PLA2G12A: variants seen among roughly 807,000 people sequenced by gnomAD.
PLA2G12A encodes group XIIA secretory phospholipase A2.
In PLA2G12A, 11 loss-of-function variants were observed where a neutral mutation model predicts 16.0. The ratio of observed to expected loss-of-function variants is 0.69; its 90% confidence interval spans 0.43 to 1.13. The LOEUF (loss-of-function observed/expected upper bound fraction) is 1.13, where lower values mean the gene tolerates loss of function less well. Among genes scored for constraint, PLA2G12A ranks in the 50% most tolerant of loss-of-function variants. PLA2G12A has a pLI of 0.00. For missense variants in PLA2G12A, 214 were observed against 237.3 expected (o/e 0.90, Z 0.65); for synonymous variants, 77 against 93.8 (o/e 0.82, Z 1.03).
rs67674001 is a variant in PLA2G12A at position 109,711,053 on chromosome 4, C to CTTTTTTTTTTTTTTTT, written c.*3308_*3323dup. On this transcript the variant is annotated 3_prime_UTR_variant, in exon 4 of 4. Coordinates refer to ENST00000243501, the MANE Select transcript of PLA2G12A (RefSeq NM_030821.5). ...AGAGCTGCTGACAGTTAGTTCTTGC[C>CTTTTTTTTTTTTTTTT]TTTTTTTTTTTTTTTTTTTTTTTGC... 8.7e-5 allele frequency: 5 copies of CTTTTTTTTTTTTTTTT among 57,242 alleles called. No homozygotes were observed. The highest frequency in any genetic ancestry group is 4.9e-4 in the East Asian group (1 of 2,040). The allele number at this position is 57,242 out of a possible 1,614,324, so 3.5% of individuals were successfully genotyped here.
intron 1 of PLA2G12A, among the ~76,000 whole-genome samples, chr4:109,725,741 T>G (rs944536767): frequency 6.6e-6 from 1 of 152,208 alleles, no homozygotes; most frequent in Non-Finnish European, 1.5e-5. Flanking sequence ...TTTTCTAAAT[T>G]TGATGCAAAT....
rs1730787571 is a variant in PLA2G12A at position 109,714,259 on chromosome 4, T to G, written c.*118A>C. 3 of 759,004 alleles carry G rather than the reference T, an allele frequency of 4.0e-6. No homozygotes were observed. The African/African-American group carries it at 5.2e-5, about 13-fold the overall frequency. The allele number at this position is 759,004 out of a possible 1,614,324, so 47.0% of individuals were successfully genotyped here. ...TTTAACATCAAGATATAAATTATTT[T>G]AAGGTCTCAAAATAATCCTTTCACA... On this transcript the variant is annotated 3_prime_UTR_variant, in exon 4 of 4. Coordinates refer to ENST00000243501, the MANE Select transcript of PLA2G12A (RefSeq NM_030821.5).
intron 1 of PLA2G12A, among the ~76,000 whole-genome samples, chr4:109,722,386 A>T (rs922479155): frequency 3.3e-5 from 5 of 152,194 alleles, no homozygotes; most frequent in Non-Finnish European, 7.3e-5. Flanking sequence ...TCATGTTGAA[A>T]CCTAATCACC....
At chr4:109,715,713 G>A (rs1207117182) in intron 3 of PLA2G12A, among the ~76,000 whole-genome samples, 2 of 151,904 alleles carry the variant, frequency 1.3e-5, no homozygotes, top group Non-Finnish European at 2.9e-5. Flanking sequence ...GGGCTCAAGT[G>A]GTCCACCAGC....
chr4:109,730,027 G>A lies in PLA2G12A; in HGVS notation c.-218C>T, dbSNP rs1312420211. ...TCGCGGGGACGCGCCCGCTCACCTG[G>A]ACCAGCGCGCCCGCTCACCTGGGCC... On this transcript the variant is annotated 5_prime_UTR_variant, in exon 1 of 4. Transcript: ENST00000243501. The A allele has an allele frequency of 1.4e-5, 7 of 488,334 alleles. No individual in the cohort carries two copies. Among genetic ancestry groups the A allele is most frequent in the East Asian group, 7.3e-5 (2 of 27,358 alleles). The allele number at this position is 488,334 out of a possible 1,614,324, so 30.3% of individuals were successfully genotyped here. A position where few individuals can be genotyped will look rare whatever the true frequency, so the allele number is the denominator to read the frequency against.
intron 3 of PLA2G12A, 54 bp from the exon 4 acceptor site, chr4:109,714,549 C>T (rs1441645520): frequency 8.8e-7 from 1 of 1,135,168 alleles, no homozygotes; most frequent in Non-Finnish European, 1.3e-6. Flanking sequence ...CTCTTTTCAC[C>T]TATGTTACAC....
At chr4:109,728,088 A>ATTCCC (rs914325463) in intron 1 of PLA2G12A, among the ~76,000 whole-genome samples, 1 of 152,124 alleles carries the variant, frequency 6.6e-6, no homozygotes, top group African/African-American at 2.4e-5. Context: ...AAATAACCAC[A>ATTCCC]TTCCCTCCCC....
In PLA2G12A at chr4:109,718,701, A is replaced by C. The variant is rs1730870530; in HGVS notation, c.267T>G (p.Ser89=). The C allele has an allele frequency of 6.2e-7, 1 of 1,602,754 alleles. No homozygotes were observed. The highest frequency in any genetic ancestry group is 1.7e-5 in the Admixed American group (1 of 58,744). The change falls in exon 2 of 4, where the codon TCT becomes TCG. Residue 89 remains serine (S), a synonymous_variant. Transcript: ENST00000243501. ...TATTTACATGAACACCAAACAGTGG[A>C]GAGCCACATCCATTCGGTGGGGAGG... ...YKPSPPNGCG[S]PLFGVHLNIG... is the part of the protein sequence containing the mutation.
intron 2 of PLA2G12A, among the ~76,000 whole-genome samples, chr4:109,718,060 G>C (rs1730858740): frequency 6.6e-6 from 1 of 152,142 alleles, no homozygotes; most frequent in Admixed American, 6.5e-5. Context: ...CCAGGGGCTA[G>C]GTAAGTATGA....
chr4:109,722,289 C>T (rs762208370), intron 1 of PLA2G12A, among the ~76,000 whole-genome samples: 4 of 152,208 alleles, frequency 2.6e-5, no homozygotes, highest in Non-Finnish European at 5.9e-5. Flanking sequence ...GCCTTTGAAC[C>T]TGCTCTTCCT....
intron 3 of PLA2G12A, 33 bp downstream of exon 3, chr4:109,717,515 A>G: frequency 6.3e-7 from 1 of 1,590,906 alleles, no homozygotes; most frequent in Middle Eastern, 1.8e-4. Context: ...TTTAAAAAGT[A>G]CACTCATCCC....
At chr4:109,718,818 C>T (rs1224380143) in intron 1 of PLA2G12A, 59 bp from the exon 2 acceptor site, 3 of 1,172,154 alleles carry the variant, frequency 2.6e-6, no homozygotes, top group Non-Finnish European at 3.6e-6. Context: ...AAAATACATA[C>T]TCAAAAAGGT....
At chr4:109,726,577 C>T (rs1351837780) in intron 1 of PLA2G12A, among the ~76,000 whole-genome samples, 1 of 152,218 alleles carries the variant, frequency 6.6e-6, no homozygotes, top group African/African-American at 2.4e-5. Context: ...TTGACCCCTT[C>T]TGTTCTCAGC....
At chr4:109,714,534 C>T in intron 3 of PLA2G12A, 39 bp from the exon 4 acceptor site, 1 of 1,340,000 alleles carries the variant, frequency 7.5e-7, no homozygotes. Flanking sequence ...TGGGCAACTG[C>T]ATTGCTCTTT....
In PLA2G12A at chr4:109,714,047, G is replaced by A. The variant is rs1730783517; in HGVS notation, c.*330C>T. 4.9e-6 allele frequency: 1 copy of A among 204,676 alleles called. No individual in the cohort carries two copies. The highest frequency in any genetic ancestry group is 2.3e-5 in the African/African-American group (1 of 43,740). 12.7% of individuals were successfully genotyped at this position (204,676 alleles called of 1,614,324 possible). A position where few individuals can be genotyped will look rare whatever the true frequency, so the allele number is the denominator to read the frequency against. On this transcript the variant is annotated 3_prime_UTR_variant, in exon 4 of 4. Coordinates refer to ENST00000243501, the MANE Select transcript of PLA2G12A (RefSeq NM_030821.5). The stretch of plus-strand genomic sequence containing the variant: ...ATTTTATATTTGATCTCTTTTTTTG[G>A]TAAATGTGGTTGTGAAAATTGAGTT...
At chr4:109,716,539 G>A (rs1001946508) in intron 3 of PLA2G12A, among the ~76,000 whole-genome samples, 1 of 152,134 alleles carries the variant, frequency 6.6e-6, no homozygotes. Flanking sequence ...CTTGACAGTA[G>A]AGAAATCTTA....
At chr4:109,716,324 C>A (rs749813544) in intron 3 of PLA2G12A, among the ~76,000 whole-genome samples, 2 of 152,210 alleles carry the variant, frequency 1.3e-5, no homozygotes, top group African/African-American at 2.4e-5. Context: ...GCTAAATGCT[C>A]ACTTGGGGCA....
rs1730757406 is a variant in PLA2G12A at position 109,712,725 on chromosome 4, A to G, written c.*1652T>C. The stretch of plus-strand genomic sequence containing the variant: ...TTGGCCAGCTGGTCTCAAACTCCTG[A>G]CCTCAAGTGATCCAACCGCCTCAGC... On this transcript the variant is annotated 3_prime_UTR_variant, in exon 4 of 4. Coordinates refer to ENST00000243501, the MANE Select transcript of PLA2G12A (RefSeq NM_030821.5). 6.6e-6 allele frequency: 1 copy of G among 152,102 alleles called. No individual in the cohort carries two copies. The highest frequency in any genetic ancestry group is 6.6e-5 in the Admixed American group (1 of 15,258). 9.4% of individuals were successfully genotyped at this position (152,102 alleles called of 1,614,324 possible). A position where few individuals can be genotyped will look rare whatever the true frequency, so the allele number is the denominator to read the frequency against.
chr4:109,729,018 T>A (rs1322103882), intron 1 of PLA2G12A, among the ~76,000 whole-genome samples: 2 of 152,140 alleles, frequency 1.3e-5, no homozygotes, highest in Admixed American at 6.5e-5. Context: ...TGTATTAACG[T>A]TAACCAACAA....
Sources: allele counts gnomAD v4.1 joint callset (sites outside exome capture counted in the v4.1 genomes callset), GRCh38; gene constraint gnomAD v4.1.1; transcripts MANE v1.5; gene names NCBI Gene and HGNC (gene_info 2026-07-23, HGNC 2026-07-21).